Variants in PCDHGA1 observed in about 807,000 individuals in gnomAD.
The protein encoded by PCDHGA1 is protocadherin gamma subfamily A, 1, also known as protocadherin gamma-A1.
In PCDHGA1, 32 loss-of-function variants were observed where a neutral mutation model predicts 58.0. The ratio of observed to expected loss-of-function variants is 0.55; its 90% confidence interval spans 0.42 to 0.74. The LOEUF is 0.74. Among genes scored for constraint, PCDHGA1 ranks in the 30% least tolerant of loss-of-function variants. The pLI is 0.00. For missense variants in PCDHGA1, 1,205 were observed against 1,182.3 expected (o/e 1.02, Z -0.28); for synonymous variants, 498 against 501.1 (o/e 0.99, Z 0.08).
chr5:141,400,476 C>T (rs2094027348), intron 1 of PCDHGA1: 2 of 1,613,846 alleles, frequency 1.2e-6, no homozygotes, highest in African/African-American at 2.7e-5. Context: ...CATCTGGGGC[C>T]TTATTTCCAC....
intron 1 of PCDHGA1, chr5:141,356,119 C>A: frequency 6.2e-7 from 1 of 1,613,794 alleles, no homozygotes; most frequent in Non-Finnish European, 8.5e-7. Flanking sequence ...ATTGGGGGGT[C>A]TAGATTATGA....
intron 1 of PCDHGA1, among the ~76,000 whole-genome samples, chr5:141,386,767 T>A (rs749741311): frequency 5.3e-5 from 8 of 152,202 alleles, no homozygotes; most frequent in Non-Finnish European, 1.0e-4. Flanking sequence ...TTATAAGGTA[T>A]TTTGTAAAAG....
rs753050855 is a variant in PCDHGA1 at position 141,375,684 on chromosome 5, C to T, written c.2421+42579C>T. 4 of 1,614,272 alleles carry T rather than the reference C, an allele frequency of 2.5e-6. No individual in the cohort carries two copies. In the South Asian group the frequency reaches 4.4e-5, roughly 18 times the overall value. On this transcript the variant is annotated intron_variant, in intron 1 of 3. Coordinates refer to ENST00000517417, the MANE Select transcript of PCDHGA1 (RefSeq NM_018912.3). The stretch of plus-strand genomic sequence containing the variant: ...AGAGACCTACAGCTGTGGGTGACAG[C>T]CAGCGACAGCGGGGACCCGCCTCTT...
intron 1 of PCDHGA1, chr5:141,492,046 AC>A (rs955983612): frequency 2.0e-6 from 1 of 494,316 alleles, no homozygotes; most frequent in African/African-American, 2.0e-5. Context: ...TCACAGATCC[AC>A]CCCTGCAGCC....
At position 141,494,781 on chromosome 5, in the gene PCDHGA1, C is replaced by A. The variant is rs145360252; in HGVS notation, c.2422-26C>A. On this transcript the variant is annotated intron_variant, in intron 1 of 3. Coordinates refer to ENST00000517417, the MANE Select transcript of PCDHGA1 (RefSeq NM_018912.3). ...ATTCTAACTTCTCACGGGTACTCAG[C>A]CCCTTTCCCTCTGTTTTCTCCACAG... 6,156 of 1,614,074 alleles carry A rather than the reference C, an allele frequency of 3.8e-3. 13 individuals are homozygous for A. Among genetic ancestry groups the A allele is most frequent in the Middle Eastern group, 8.1e-3 (49 of 6,062 alleles).
chr5:141,341,693 G>T, intron 1 of PCDHGA1: 1 of 546,986 alleles, frequency 1.8e-6, no homozygotes, highest in South Asian at 2.9e-5. Flanking sequence ...CTCCATCCCT[G>T]GGCAAATCAT....
chr5:141,345,659 C>T (rs752231427), intron 1 of PCDHGA1: 2 of 1,614,240 alleles, frequency 1.2e-6, no homozygotes, highest in Admixed American at 1.7e-5. Flanking sequence ...ACCCTCCACT[C>T]AGCAGCAACG....
rs1214425261 is a variant in PCDHGA1 at position 141,485,865 on chromosome 5, C to G, written c.2422-8942C>G. On this transcript the variant is annotated intron_variant, in intron 1 of 3. Coordinates refer to ENST00000517417, the MANE Select transcript of PCDHGA1 (RefSeq NM_018912.3). This position sits in a 1 kb window ranked among gnomAD's most constrained non-coding sequence, Gnocchi z 5.7. The stretch of plus-strand genomic sequence containing the variant: ...TCTGGCACCGCAGAGCTCCGGGTAT[C>G]CGTGCTGGACGTAAACGACAACGCC... The G allele has an allele frequency of 1.2e-6, 2 of 1,614,182 alleles. No individual in the cohort carries two copies.
At chr5:141,382,929 C>A (rs1163790741) in intron 1 of PCDHGA1, 10 of 1,582,396 alleles carry the variant, frequency 6.3e-6, no homozygotes, top group Non-Finnish European at 8.6e-6. Flanking sequence ...GCGGGGACTA[C>A]AGAGGATTCT....
intron 1 of PCDHGA1, chr5:141,367,915 AAG>A (rs963477833): frequency 6.6e-6 from 1 of 152,232 alleles, no homozygotes; most frequent in Non-Finnish European, 1.5e-5. Flanking sequence ...TTGAAAAAAA[AAG>A]AACTCAACTT....
intron 1 of PCDHGA1, chr5:141,383,082 G>A: frequency 1.2e-6 from 2 of 1,613,934 alleles, no homozygotes; most frequent in African/African-American, 2.7e-5. Context: ...AGCTGGCGGA[G>A]CGCGGAGTCC....
At chr5:141,390,865 T>C (rs982852872) in intron 1 of PCDHGA1, 3 of 151,096 alleles carry the variant, frequency 2.0e-5, no homozygotes, top group Non-Finnish European at 2.9e-5. Context: ...ACGCTGTGTG[T>C]GCGTGTGTGT....
rs773729429 is a variant in PCDHGA1, at chr5:141,491,406, C to T, written c.2422-3401C>T. ...CGAAGTGCCTTCAGGGAAACGCAGA[C>T]GGGGACGGGGGTGGAGGGCAGTGCT... On this transcript the variant is annotated intron_variant, in intron 1 of 3. Transcript: ENST00000517417. The surrounding 1 kb of genome is among the most constrained non-coding windows in gnomAD (Gnocchi z 6.9). The T allele has an allele frequency of 1.2e-6, 2 of 1,614,096 alleles. No homozygotes were observed. The highest frequency in any genetic ancestry group is 1.7e-6 in the Non-Finnish European group (2 of 1,179,990).
At chr5:141,385,323 G>C (rs1781122610) in intron 1 of PCDHGA1, 1 of 1,607,092 alleles carries the variant, frequency 6.2e-7, no homozygotes, top group Non-Finnish European at 8.5e-7. Flanking sequence ...CAAGTATTCA[G>C]GTGAGCCCAG....
chr5:141,478,752 G>A (rs2099475483), intron 1 of PCDHGA1: 2 of 1,521,420 alleles, frequency 1.3e-6, no homozygotes, highest in South Asian at 1.3e-5. Context: ...CATTTCAGGG[G>A]GAAGATACTT....
intron 1 of PCDHGA1, chr5:141,393,991 A>C (rs2092893166): frequency 6.2e-7 from 1 of 1,613,604 alleles, no homozygotes; most frequent in East Asian, 2.2e-5. Flanking sequence ...TTACCTTTTA[A>C]ATTAGAAAAG....
chr5:141,372,523 C>G, intron 1 of PCDHGA1: 1 of 1,614,018 alleles, frequency 6.2e-7, no homozygotes, highest in Non-Finnish European at 8.5e-7. Flanking sequence ...GTGATTCTGG[C>G]AATCTCCCTG....
intron 1 of PCDHGA1, chr5:141,352,711 C>T (rs1332083598): frequency 5.8e-6 from 9 of 1,542,040 alleles, no homozygotes; most frequent in African/African-American, 4.1e-5. Context: ...ATATGGCGGC[C>T]GGGCGCGGTG....
At chr5:141,458,359 A>C (rs2098943826) in intron 1 of PCDHGA1, among the ~76,000 whole-genome samples, 1 of 152,142 alleles carries the variant, frequency 6.6e-6, no homozygotes, top group Non-Finnish European at 1.5e-5. Context: ...AATAAGCAAG[A>C]AGGAAGGGAG....
Sources: allele counts gnomAD v4.1 joint callset (sites outside exome capture counted in the v4.1 genomes callset), GRCh38; gene constraint gnomAD v4.1.1; non-coding constraint Gnocchi (gnomAD v3.1); transcripts MANE v1.5; gene names NCBI Gene and HGNC (gene_info 2026-07-23, HGNC 2026-07-21).